CACNA2D3: variants seen among roughly 807,000 people sequenced by gnomAD.
CACNA2D3 encodes voltage-dependent calcium channel subunit alpha-2/delta-3.
Under a neutral mutation model 160.6 loss-of-function variants are expected in CACNA2D3, and 60 were observed. The observed-to-expected ratio is 0.37, with a 90% CI of 0.30 to 0.46. The LOEUF (loss-of-function observed/expected upper bound fraction) is 0.46, where lower values mean the gene tolerates loss of function less well. CACNA2D3 is among the 20% of genes least tolerant of loss of function. The pLI, the probability that CACNA2D3 is intolerant of heterozygous loss-of-function variation, is 1.00. For synonymous variants in CACNA2D3, 558 were observed against 492.9 expected, an observed-to-expected ratio of 1.13 and a Z score of -1.75; for missense variants, 1,205 against 1,365.0, an observed-to-expected ratio of 0.88 and a Z score of 1.85.
At chr3:54,548,618 C>G (rs900102018) in intron 5 of CACNA2D3, among the ~76,000 whole-genome samples, 1 of 152,176 alleles carries the variant, frequency 6.6e-6, no homozygotes, top group Non-Finnish European at 1.5e-5. Context: ...CTTCCTCACC[C>G]CACCTCTTCC....
At chr3:54,698,537 C>T (rs1381231674) in intron 11 of CACNA2D3, among the ~76,000 whole-genome samples, 2 of 152,036 alleles carry the variant, frequency 1.3e-5, no homozygotes, top group Admixed American at 6.6e-5. Flanking sequence ...TGTTTTTGGT[C>T]CCCATTGATT....
At chr3:54,890,953 T>C (rs1700051043) in intron 24 of CACNA2D3, among the ~76,000 whole-genome samples, 1 of 152,194 alleles carries the variant, frequency 6.6e-6, no homozygotes, top group African/African-American at 2.4e-5. Context: ...AGAATAAACT[T>C]GGTAGCTTTA....
At chr3:54,383,836 T>C (rs1338856580) in intron 3 of CACNA2D3, among the ~76,000 whole-genome samples, 1 of 152,234 alleles carries the variant, frequency 6.6e-6, no homozygotes, top group East Asian at 1.9e-4. Flanking sequence ...TACAATATTA[T>C]CAGATGCTTT....
At chr3:54,931,180 C>G (rs562188976) in intron 27 of CACNA2D3, among the ~76,000 whole-genome samples, 4 of 152,182 alleles carry the variant, frequency 2.6e-5, no homozygotes, top group African/African-American at 9.6e-5. Context: ...CTGCTCCCAC[C>G]TAAAACACGA....
chr3:54,557,044 A>C (rs1397535516), intron 5 of CACNA2D3, among the ~76,000 whole-genome samples: 1 of 152,030 alleles, frequency 6.6e-6, no homozygotes. Flanking sequence ...TTCTTTTCCT[A>C]TCTTTTAAAT....
intron 2 of CACNA2D3, among the ~76,000 whole-genome samples, chr3:54,273,327 T>C (rs989746514): frequency 2.0e-5 from 3 of 152,144 alleles, no homozygotes; most frequent in Non-Finnish European, 4.4e-5. Context: ...TGGGAAAATA[T>C]ATATTTTTTT....
chr3:54,413,414 A>ATATATC (rs1559474758), intron 4 of CACNA2D3, among the ~76,000 whole-genome samples: 1 of 146,912 alleles, frequency 6.8e-6, no homozygotes, highest in Non-Finnish European at 1.5e-5. Flanking sequence ...ATATCTATAT[A>ATATATC]TATAGATATC....
Position 54,969,807 on chromosome 3 carries a change from C to G in CACNA2D3, c.2519C>G (p.Ser840Cys). The G allele has an allele frequency of 6.2e-6, 10 of 1,612,780 alleles. No individual in the cohort carries two copies. Among genetic ancestry groups the G allele is most frequent in the Non-Finnish European group, 8.5e-6 (10 of 1,179,324 alleles). ...CACTTTTTGCCTTCACAGTGTGCTT[C>G]CCTGGATGGCAAATGCTCCATCAGC... ...KFWTASRQCA[S>C]LDGKCSISCD... is the part of the protein sequence containing the mutation. Residue 840 changes from serine (S) to cysteine (C), a missense_variant, in exon 29 of 38, where the codon TCC becomes TGC. Ser to Cys is a moderately radical substitution (Grantham distance 112, BLOSUM62 -1). This residue lies in a region of CACNA2D3 where 911 missense variants were observed against 1,002.2 expected (regional missense o/e 0.91). Transcript: ENST00000474759.
chr3:54,154,703 G>A (rs577442541), intron 2 of CACNA2D3, among the ~76,000 whole-genome samples: 2 of 152,124 alleles, frequency 1.3e-5, no homozygotes, highest in East Asian at 3.9e-4. Context: ...GCCAAGTGAG[G>A]TTTTGTCCAA....
intron 9 of CACNA2D3, among the ~76,000 whole-genome samples, chr3:54,607,981 C>T (rs1231084509): frequency 1.4e-5 from 2 of 145,726 alleles, no homozygotes; most frequent in Non-Finnish European, 3.0e-5. Flanking sequence ...AGAAAATGAT[C>T]AGTGGTTTCC....
intron 3 of CACNA2D3, among the ~76,000 whole-genome samples, chr3:54,336,390 T>C (rs1255135916): frequency 6.6e-6 from 1 of 152,066 alleles, no homozygotes; most frequent in Non-Finnish European, 1.5e-5. Flanking sequence ...ACAGAATGTT[T>C]AGAGAGGAAA....
intron 5 of CACNA2D3, among the ~76,000 whole-genome samples, chr3:54,559,813 A>G (rs1438129688): frequency 1.3e-5 from 2 of 152,146 alleles, no homozygotes; most frequent in African/African-American, 4.8e-5. Context: ...CTCATCATTT[A>G]GCTCCCACTT....
chr3:54,285,892 C>A (rs1033934330), intron 2 of CACNA2D3, among the ~76,000 whole-genome samples: 1 of 152,206 alleles, frequency 6.6e-6, no homozygotes, highest in Non-Finnish European at 1.5e-5. Flanking sequence ...GGAAAACTAA[C>A]AAACAGAAAG....
intron 3 of CACNA2D3, among the ~76,000 whole-genome samples, chr3:54,371,649 T>C (rs557798674): frequency 9.2e-4 from 140 of 152,330 alleles, no homozygotes; most frequent in African/African-American, 3.3e-3. Flanking sequence ...TGACATTTAT[T>C]TGATCTATTT....
chr3:54,126,910 CTTTG>C (rs761980991), intron 2 of CACNA2D3, among the ~76,000 whole-genome samples: 15 of 152,300 alleles, frequency 9.8e-5, no homozygotes, highest in Middle Eastern at 3.4e-3. Context: ...GAAGAATGGA[CTTTG>C]TTTGGTTCTT....
intron 2 of CACNA2D3, among the ~76,000 whole-genome samples, chr3:54,290,466 G>T (rs1463973114): frequency 6.6e-6 from 1 of 152,120 alleles, no homozygotes; most frequent in East Asian, 1.9e-4. Context: ...GTGTGGGACT[G>T]TAAACTAGTT....
chr3:54,987,609 T>C (rs1702643875), intron 30 of CACNA2D3, 74 bp from the exon 31 acceptor site: 4 of 941,282 alleles, frequency 4.2e-6, no homozygotes, highest in Non-Finnish European at 6.5e-6. Context: ...ACAGACTGTG[T>C]CCCTTTTCAT....
chr3:54,768,260 C>T (rs1702257321), intron 13 of CACNA2D3, among the ~76,000 whole-genome samples: 1 of 152,104 alleles, frequency 6.6e-6, no homozygotes, highest in South Asian at 2.1e-4. Context: ...AGCGGGTCCT[C>T]AAAATTAGCA....
At chr3:54,530,883 C>G (rs940312119) in intron 5 of CACNA2D3, among the ~76,000 whole-genome samples, 2 of 152,112 alleles carry the variant, frequency 1.3e-5, no homozygotes, top group African/African-American at 2.4e-5. Context: ...GTGGTCTCTC[C>G]CTGAGTCATA....
Sources: gnomAD v4.1 joint callset for allele counts (sites outside exome capture counted in the v4.1 genomes callset) on GRCh38, gnomAD v4.1.1 for gene constraint, gnomAD v4.1.1 regional missense constraint, MANE v1.5 for transcripts, NCBI Gene and HGNC (gene_info 2026-07-23, HGNC 2026-07-21) for gene names.